PDIA3: variants seen among roughly 807,000 people sequenced by gnomAD.
PDIA3 encodes the protein protein disulfide-isomerase A3.
A neutral mutation model predicts 56.9 loss-of-function variants in PDIA3; 16 were observed. That is an observed-to-expected ratio of 0.28 (90% confidence interval 0.19 to 0.43). The LOEUF (loss-of-function observed/expected upper bound fraction) is 0.43. Among genes scored for constraint, PDIA3 ranks in the 20% least tolerant of loss-of-function variants. The pLI, the probability that PDIA3 is intolerant of heterozygous loss-of-function variation, is 1.00. For synonymous variants in PDIA3, 192 were observed against 216.5 expected (o/e 0.89, Z 0.99); for missense variants, 485 against 621.3 (o/e 0.78, Z 2.33).
intron 1 of PDIA3, among the ~76,000 whole-genome samples, chr15:43,749,367 G>A (rs1253452551): frequency 6.6e-6 from 1 of 152,208 alleles, no homozygotes; most frequent in Non-Finnish European, 1.5e-5. Flanking sequence ...GGGATTACAG[G>A]CGTGCGCCAC....
At chr15:43,752,327 A>T (rs1043512411) in intron 1 of PDIA3, among the ~76,000 whole-genome samples, 2 of 152,254 alleles carry the variant, frequency 1.3e-5, no homozygotes, top group Admixed American at 6.5e-5. Flanking sequence ...AATACAGAGG[A>T]TATAATGAAT....
chr15:43,763,627 G>GA (rs2086831080), intron 5 of PDIA3, among the ~76,000 whole-genome samples: 1 of 152,094 alleles, frequency 6.6e-6, no homozygotes, highest in African/African-American at 2.4e-5. Flanking sequence ...TACATGCCCA[G>GA]AAACTATTGC....
intron 1 of PDIA3, 50 bp downstream of exon 1, chr15:43,746,756 G>C: frequency 1.3e-6 from 2 of 1,599,032 alleles, no homozygotes; most frequent in South Asian, 1.1e-5. Context: ...CTGGGCCGGG[G>C]GCGAGAGCGC....
At chr15:43,763,749 A>C (rs1412895024) in intron 5 of PDIA3, among the ~76,000 whole-genome samples, 2 of 152,086 alleles carry the variant, frequency 1.3e-5, no homozygotes, top group Non-Finnish European at 2.9e-5. Context: ...TTGGAAGTAC[A>C]AAAGAGGGAG....
chr15:43,751,455 G>A (rs1248779742), intron 1 of PDIA3: 1 of 472,206 alleles, frequency 2.1e-6, no homozygotes, highest in Non-Finnish European at 3.8e-6. Flanking sequence ...TCAACTGCCA[G>A]GTGCCATCCC....
intron 3 of PDIA3, among the ~76,000 whole-genome samples, chr15:43,758,695 G>T (rs2086795616): frequency 6.6e-6 from 1 of 151,398 alleles, no homozygotes; most frequent in African/African-American, 2.4e-5. Flanking sequence ...AAAATAGAAG[G>T]CCAGGCACGG....
intron 9 of PDIA3, among the ~76,000 whole-genome samples, chr15:43,769,075 G>A (rs906925288): frequency 3.4e-4 from 51 of 151,690 alleles, no homozygotes; most frequent in Admixed American, 3.1e-3. Flanking sequence ...AGGGGCAAGC[G>A]TGTAAAGCCT....
Position 43,753,910 on chromosome 15 carries a change from CA to C in PDIA3, c.246+9del. 1 of 1,586,928 alleles carries C rather than the reference CA, an allele frequency of 6.3e-7. No homozygotes were observed. Among genetic ancestry groups the C allele is most frequent in the Non-Finnish European group, 8.7e-7 (1 of 1,155,438 alleles). On this transcript the variant is annotated intron_variant, in intron 2 of 12. Transcript: ENST00000300289. Reference sequence around the variant, plus strand: ...ATAGTCCCATTAGCAAAGGTAAGTACAGGTGGATTCTTCACTAAAGGACGTG... The same window carrying C: ...ATAGTCCCATTAGCAAAGGTAAGTACGGTGGATTCTTCACTAAAGGACGTG...
At chr15:43,765,291 G>C (rs2086840785) in intron 5 of PDIA3, among the ~76,000 whole-genome samples, 159 bp from the exon 6 acceptor site, 1 of 151,960 alleles carries the variant, frequency 6.6e-6, no homozygotes, top group Non-Finnish European at 1.5e-5. Flanking sequence ...TAAGGTAGGA[G>C]GATCACTTGA....
At chr15:43,755,884 A>G (rs1162804163) in intron 2 of PDIA3, among the ~76,000 whole-genome samples, 2 of 151,924 alleles carry the variant, frequency 1.3e-5, no homozygotes, top group Non-Finnish European at 1.5e-5. Context: ...ATTGCACTCC[A>G]GCCTGGGCAA....
intron 1 of PDIA3, among the ~76,000 whole-genome samples, chr15:43,747,460 A>C (rs1567153939): frequency 6.6e-6 from 1 of 152,330 alleles, no homozygotes; most frequent in East Asian, 1.9e-4. Context: ...TAAGTGATCA[A>C]GGGTGTAAAT....
At chr15:43,768,389 T>C in intron 8 of PDIA3, 100 bp from the exon 9 acceptor site, 1 of 836,484 alleles carries the variant, frequency 1.2e-6, no homozygotes, top group African/African-American at 1.7e-5. Context: ...TTTTTAGCCT[T>C]GAAAAGCTAA....
In PDIA3 at chr15:43,748,864, G is replaced by A. The variant is rs543986912; in HGVS notation, c.167+2158G>A. ...ACTCACTGCAACCTCCGCCTCTTGG[G>A]TTCAAGTGATTCCCCTGCCTCAGCC... On this transcript the variant is annotated intron_variant, in intron 1 of 12. Transcript: ENST00000300289. Among the ~76,000 whole-genome samples the A allele has an allele frequency of 1.9e-3, 286 of 151,926 alleles. 3 individuals carry two copies. The highest frequency in any genetic ancestry group is 2.8e-3 in the Non-Finnish European group (189 of 67,980).
At chr15:43,752,768 C>G (rs1284106751) in intron 1 of PDIA3, 2 of 470,804 alleles carry the variant, frequency 4.2e-6, no homozygotes, top group South Asian at 1.5e-5. Flanking sequence ...AGTTTCTTCT[C>G]TATTATATTT....
chr15:43,763,889 G>A (rs2086832838), intron 5 of PDIA3, among the ~76,000 whole-genome samples: 2 of 152,162 alleles, frequency 1.3e-5, no homozygotes, highest in Non-Finnish European at 2.9e-5. Flanking sequence ...TAGAGCACCA[G>A]GAGTGAAGGC....
At chr15:43,755,252 A>T (rs775056594) in intron 2 of PDIA3, among the ~76,000 whole-genome samples, 11 of 151,996 alleles carry the variant, frequency 7.2e-5, no homozygotes, top group Non-Finnish European at 1.6e-4. Flanking sequence ...GCTTGAACCC[A>T]GGGGGGCGGA....
intron 1 of PDIA3, among the ~76,000 whole-genome samples, chr15:43,750,467 AG>A (rs1379359098): frequency 6.6e-6 from 1 of 151,710 alleles, no homozygotes; most frequent in Non-Finnish European, 1.5e-5. Flanking sequence ...TTTATTGATT[AG>A]TGTTAATATG....
intron 5 of PDIA3, among the ~76,000 whole-genome samples, chr15:43,764,392 A>T (rs1270688206): frequency 6.6e-6 from 1 of 152,138 alleles, no homozygotes; most frequent in Non-Finnish European, 1.5e-5. Flanking sequence ...AATGGATAGG[A>T]AGGGGTGAGT....
intron 10 of PDIA3, 134 bp from the exon 11 acceptor site, chr15:43,770,116 C>T (rs1003473739): frequency 2.7e-5 from 18 of 672,068 alleles, no homozygotes; most frequent in East Asian, 8.3e-5. Flanking sequence ...ATTACAGGTG[C>T]GCACCACCAC....
Sources: gnomAD v4.1 joint callset for allele counts (sites outside exome capture counted in the v4.1 genomes callset) on GRCh38, gnomAD v4.1.1 for gene constraint, MANE v1.5 for transcripts, NCBI Gene and HGNC (gene_info 2026-07-23, HGNC 2026-07-21) for gene names.